Variants in LGSN observed in about 807,000 individuals in gnomAD.
The protein encoded by LGSN is lengsin, lens protein with glutamine synthetase domain.
A neutral mutation model predicts 19.5 loss-of-function variants in LGSN; 21 were observed. The ratio of observed to expected loss-of-function variants is 1.07; its 90% CI spans 0.76 to 1.55. The LOEUF is 1.55. Among genes scored for constraint, LGSN ranks in the 40% most tolerant of loss-of-function variants. LGSN has a pLI of 0.00. For synonymous variants in LGSN, 257 were observed against 215.6 expected, an observed-to-expected ratio of 1.19 and a Z score of -1.68; for missense variants, 673 against 608.5, an observed-to-expected ratio of 1.11 and a Z score of -1.12.
At chr6:63,555,935 C>G in the LGSN span, among the ~76,000 whole-genome samples, 10 of 152,112 alleles carry the variant, frequency 6.6e-5, no homozygotes, top group Non-Finnish European at 1.3e-4. Context: ...AAGTGATCTG[C>G]CTGCCTCAGC....
chr6:63,511,937 C>A, the LGSN span, among the ~76,000 whole-genome samples: 1 of 152,048 alleles, frequency 6.6e-6, no homozygotes, highest in African/African-American at 2.4e-5. Flanking sequence ...AATTCCCTAG[C>A]AAGCAGATGC....
the LGSN span, among the ~76,000 whole-genome samples, chr6:63,388,130 C>T: frequency 6.6e-6 from 1 of 151,774 alleles, no homozygotes; most frequent in African/African-American, 2.4e-5. Flanking sequence ...CCTGCTTTGG[C>T]CTCCCAATGT....
the LGSN span, among the ~76,000 whole-genome samples, chr6:63,332,016 G>A: frequency 2.0e-5 from 3 of 152,198 alleles, no homozygotes; most frequent in African/African-American, 7.2e-5. Flanking sequence ...GGTTGGAAGA[G>A]TGACACCTTT....
chr6:63,365,829 GA>G, the LGSN span, among the ~76,000 whole-genome samples: 1 of 151,514 alleles, frequency 6.6e-6, no homozygotes, highest in Non-Finnish European at 1.5e-5. Flanking sequence ...AGAACCAAAG[GA>G]AAAAAAATAC....
the LGSN span, among the ~76,000 whole-genome samples, chr6:63,498,721 C>G: frequency 6.6e-6 from 1 of 152,152 alleles, no homozygotes; most frequent in South Asian, 2.1e-4. Context: ...GTCGGTGAGA[C>G]AAGTGCTCAT....
chr6:63,356,991 C>T, the LGSN span, among the ~76,000 whole-genome samples: 1 of 121,544 alleles, frequency 8.2e-6, no homozygotes, highest in African/African-American at 3.0e-5. Flanking sequence ...CTCCCCCCAC[C>T]CCACAACAGG....
At chr6:63,491,862 T>C in the LGSN span, among the ~76,000 whole-genome samples, 1 of 152,120 alleles carries the variant, frequency 6.6e-6, no homozygotes, top group African/African-American at 2.4e-5. Context: ...ACCCCGTCTC[T>C]ACTAAAAATA....
the LGSN span, among the ~76,000 whole-genome samples, chr6:63,325,188 A>C: frequency 6.6e-6 from 1 of 152,032 alleles, no homozygotes. Flanking sequence ...AAAACACAAA[A>C]CAAACAAACA....
the LGSN span, among the ~76,000 whole-genome samples, chr6:63,433,160 G>A: frequency 0.015 from 2,240 of 151,736 alleles, 45 homozygotes; most frequent in African/African-American, 0.052. Context: ...CGCAGAAGGG[G>A]GAAAGTTGGG....
chr6:63,421,659 C>T, the LGSN span, among the ~76,000 whole-genome samples: 12 of 150,982 alleles, frequency 7.9e-5, no homozygotes, highest in Non-Finnish European at 1.5e-4. Context: ...ACCCGGGAGG[C>T]GGAGGTTGCA....
chr6:63,483,271 G>A, the LGSN span, among the ~76,000 whole-genome samples: 2 of 152,104 alleles, frequency 1.3e-5, no homozygotes, highest in Non-Finnish European at 2.9e-5. Context: ...TAGCATGCTG[G>A]CTTGTGTCTT....
the LGSN span, among the ~76,000 whole-genome samples, chr6:63,372,957 C>T: frequency 1.3e-4 from 20 of 152,156 alleles, no homozygotes; most frequent in Non-Finnish European, 2.1e-4. Context: ...CAATTTTTTA[C>T]ATCCAAGTCT....
the LGSN span, among the ~76,000 whole-genome samples, chr6:63,360,671 C>T: frequency 6.6e-5 from 10 of 152,200 alleles, no homozygotes; most frequent in Non-Finnish European, 7.3e-5. Flanking sequence ...AGTCATTCTC[C>T]GTCCAGCTTT....
chr6:63,466,022 T>G, the LGSN span, among the ~76,000 whole-genome samples: 1 of 152,180 alleles, frequency 6.6e-6, no homozygotes, highest in East Asian at 1.9e-4. Flanking sequence ...CAGGCTGGAG[T>G]GCCGTAGCAC....
the LGSN span, among the ~76,000 whole-genome samples, chr6:63,386,929 C>G: frequency 6.6e-6 from 1 of 151,900 alleles, no homozygotes; most frequent in African/African-American, 2.4e-5. Flanking sequence ...GGTGAAACCT[C>G]GTCTCTATTA....
the LGSN span, among the ~76,000 whole-genome samples, chr6:63,490,975 T>G: frequency 6.6e-6 from 1 of 152,112 alleles, no homozygotes; most frequent in Non-Finnish European, 1.5e-5. Context: ...ACCTTTTTTT[T>G]TTTGATTAGG....
chr6:63,360,464 C>G, the LGSN span, among the ~76,000 whole-genome samples: 3 of 152,216 alleles, frequency 2.0e-5, no homozygotes, highest in Non-Finnish European at 4.4e-5. Flanking sequence ...GCTACTGAGG[C>G]TTGTGCATTC....
the LGSN span, among the ~76,000 whole-genome samples, chr6:63,517,522 G>C: frequency 1.3e-5 from 2 of 152,102 alleles, no homozygotes; most frequent in African/African-American, 4.8e-5. Flanking sequence ...ATCTCCTGAT[G>C]ATAACCTCAA....
chr6:63,356,736 T>C, the LGSN span, among the ~76,000 whole-genome samples: 1 of 152,044 alleles, frequency 6.6e-6, no homozygotes. Flanking sequence ...CCTGAAAATA[T>C]AGGATGTTAA....
Sources: allele counts gnomAD v4.1 joint callset (sites outside exome capture counted in the v4.1 genomes callset), GRCh38; gene constraint gnomAD v4.1.1; transcripts MANE v1.5; gene names NCBI Gene and HGNC (gene_info 2026-07-23, HGNC 2026-07-21).